The following AP3B1 variants were observed in gnomAD, a reference collection of about 807,000 sequenced individuals.
The protein encoded by AP3B1 is adaptor related protein complex 3 subunit beta 1.
A neutral mutation model predicts 132.5 loss-of-function variants in AP3B1; 61 were observed. The observed-to-expected ratio is 0.46, with a 90% confidence interval of 0.37 to 0.57. The LOEUF (loss-of-function observed/expected upper bound fraction) is 0.57, where lower values mean the gene tolerates loss of function less well. Ranked by LOEUF, AP3B1 falls within the 20% of genes least tolerant of loss-of-function variation. AP3B1 has a pLI of 0.00. For missense variants in AP3B1, 1,120 were observed against 1,289.4 expected (o/e 0.87, Z 2.01); for synonymous variants, 388 against 438.3 (o/e 0.89, Z 1.43).
At chr5:78,223,896 C>T (rs1746292628) in intron 6 of AP3B1, among the ~76,000 whole-genome samples, 1 of 152,128 alleles carries the variant, frequency 6.6e-6, no homozygotes, top group East Asian at 1.9e-4. Flanking sequence ...AAGACATGCA[C>T]ATATTATACA....
chr5:78,251,739 AC>A (rs1176765791), intron 2 of AP3B1, among the ~76,000 whole-genome samples: 1 of 152,192 alleles, frequency 6.6e-6, no homozygotes, highest in Non-Finnish European at 1.5e-5. Flanking sequence ...CTCCAAGTAA[AC>A]TTGAAAGACA....
rs146349547 is a variant in AP3B1, at chr5:78,210,930, CA to C, written c.786+5124del. ...AATCTCCCATAATAGGCTTGAATGA[CA>C]AATAAAATACTTAAACAATTTTATA... On this transcript the variant is annotated intron_variant, in intron 7 of 26. Transcript: ENST00000255194. 4.7e-3 allele frequency among the ~76,000 whole-genome samples: 715 copies of C among 152,120 alleles called. 2 individuals carry two copies. Among genetic ancestry groups the C allele is most frequent in the Non-Finnish European group, 9.1e-3 (618 of 67,966 alleles).
At chr5:78,102,227 C>G (rs772142662) in intron 20 of AP3B1, among the ~76,000 whole-genome samples, 36 of 152,112 alleles carry the variant, frequency 2.4e-4, no homozygotes, top group Non-Finnish European at 4.6e-4. Context: ...GCTCCTACAA[C>G]AGTGCACATA....
rs549790764 is a variant in AP3B1, at chr5:78,163,616, T to C, written c.1231-665A>G. Reference sequence around the variant, plus strand: ...GTATATATATATATGTGTGTGTGTGTATATATAGTATATATATAGTATACA... The same window carrying C: ...GTATATATATATATGTGTGTGTGTGCATATATAGTATATATATAGTATACA... On this transcript the variant is annotated intron_variant, in intron 12 of 26. Transcript: ENST00000255194. Among the ~76,000 whole-genome samples the C allele has an allele frequency of 3.6e-3, 494 of 135,374 alleles. 3 individuals are homozygous for C. Among genetic ancestry groups the C allele is most frequent in the African/African-American group, 0.013 (481 of 36,702 alleles). 88.8% of individuals were successfully genotyped at this position (135,374 alleles called of 152,430 possible).
intron 7 of AP3B1, among the ~76,000 whole-genome samples, chr5:78,208,792 T>C (rs1333522722): frequency 6.6e-6 from 1 of 152,090 alleles, no homozygotes; most frequent in African/African-American, 2.4e-5. Flanking sequence ...AGTGACATGA[T>C]AAAGTAAGCA....
At chr5:78,013,538 T>A (rs1253475603) in intron 26 of AP3B1, among the ~76,000 whole-genome samples, 1 of 152,166 alleles carries the variant, frequency 6.6e-6, no homozygotes, top group Non-Finnish European at 1.5e-5. Flanking sequence ...CAGGTAAAAT[T>A]TCATACTGAA....
At chr5:78,285,310 G>C (rs1749229567) in intron 1 of AP3B1, among the ~76,000 whole-genome samples, 1 of 151,444 alleles carries the variant, frequency 6.6e-6, no homozygotes, top group South Asian at 2.1e-4. Flanking sequence ...GCCCACTCAT[G>C]AGGCTTTCAG....
chr5:78,168,512 C>G (rs1339385743), intron 11 of AP3B1, among the ~76,000 whole-genome samples: 1 of 152,134 alleles, frequency 6.6e-6, no homozygotes, highest in Non-Finnish European at 1.5e-5. Context: ...GCATGAACCA[C>G]TGCATCCAGC....
intron 21 of AP3B1, among the ~76,000 whole-genome samples, chr5:78,095,161 A>G (rs1428119115): frequency 6.6e-6 from 1 of 152,170 alleles, no homozygotes. Context: ...GGTAGGGACA[A>G]TATTTTATTC....
At chr5:78,229,575 C>CAA (rs70997973) in intron 3 of AP3B1, among the ~76,000 whole-genome samples, 3 of 134,368 alleles carry the variant, frequency 2.2e-5, no homozygotes, top group South Asian at 4.8e-4. Context: ...TCTAGTAAAA[C>CAA]AAAAAAAAAA....
chr5:78,110,080 G>T, intron 20 of AP3B1, 127 bp downstream of exon 20: 1 of 823,414 alleles, frequency 1.2e-6, no homozygotes, highest in African/African-American at 1.7e-5. Context: ...TTTCTGCAGA[G>T]TTGGGTTATA....
intron 24 of AP3B1, among the ~76,000 whole-genome samples, chr5:78,029,974 T>G (rs79237276): frequency 6.6e-6 from 1 of 152,182 alleles, no homozygotes; most frequent in African/African-American, 2.4e-5. Context: ...TAGTATACCA[T>G]CACTCCTCCT....
intron 7 of AP3B1, among the ~76,000 whole-genome samples, chr5:78,194,829 T>A (rs1181169641): frequency 6.6e-6 from 1 of 152,118 alleles, no homozygotes; most frequent in Non-Finnish European, 1.5e-5. Context: ...CAGACAGAAG[T>A]AAAGATGCTT....
At chr5:78,294,176 G>C (rs760549493) in intron 1 of AP3B1, among the ~76,000 whole-genome samples, 3 of 152,082 alleles carry the variant, frequency 2.0e-5, no homozygotes, top group Admixed American at 2.0e-4. Flanking sequence ...AATTCAATCA[G>C]TGTCTTCAGG....
intron 20 of AP3B1, chr5:78,101,429 T>C (rs78343795): frequency 0.022 from 8,380 of 385,720 alleles, 632 homozygotes; most frequent in African/African-American, 0.16. Context: ...TCAGATATTT[T>C]TGATGGGCTT....
chr5:78,197,045 TA>T lies in AP3B1; in HGVS notation c.787-15384del, dbSNP rs536325139. On this transcript the variant is annotated intron_variant, in intron 7 of 26. Transcript: ENST00000255194. Reference sequence around the variant, plus strand: ...ACTTTGGGTGACAACAATATTAATGTAAATTCATTGATCGTAATGTAAAATG... The same window carrying T: ...ACTTTGGGTGACAACAATATTAATGTAATTCATTGATCGTAATGTAAAATG... 9.8e-5 allele frequency among the ~76,000 whole-genome samples: 15 copies of T among 152,298 alleles called. No homozygotes were observed. The South Asian group carries it at 2.9e-3, about 30-fold the overall frequency.
chr5:78,048,608 T>A (rs1020993008), intron 22 of AP3B1, among the ~76,000 whole-genome samples: 2 of 152,144 alleles, frequency 1.3e-5, no homozygotes, highest in African/African-American at 4.8e-5. Flanking sequence ...GTGGCCACAT[T>A]TCCTGCCACA....
chr5:78,123,101 A>G (rs1341852305), intron 17 of AP3B1, among the ~76,000 whole-genome samples: 1 of 152,252 alleles, frequency 6.6e-6, no homozygotes, highest in Non-Finnish European at 1.5e-5. Flanking sequence ...CGGGGAAAGG[A>G]TTCCCTATTT....
chr5:78,151,022 G>A (rs1012838663), intron 14 of AP3B1, among the ~76,000 whole-genome samples: 21 of 152,010 alleles, frequency 1.4e-4, no homozygotes, highest in Non-Finnish European at 2.8e-4. Context: ...ATGTTCCACC[G>A]ATTCTCCTGC....
Sources: allele counts gnomAD v4.1 joint callset (sites outside exome capture counted in the v4.1 genomes callset), GRCh38; gene constraint gnomAD v4.1.1; transcripts MANE v1.5; gene names NCBI Gene and HGNC (gene_info 2026-07-23, HGNC 2026-07-21).